Variants in TNRC6A observed in about 807,000 individuals in gnomAD.
TNRC6A encodes the protein trinucleotide repeat-containing gene 6A protein.
Under a neutral mutation model 221.2 loss-of-function variants are expected in TNRC6A, and 44 were observed. That is an observed-to-expected ratio of 0.20 (90% CI 0.16 to 0.26). The LOEUF is 0.26. Ranked by LOEUF, TNRC6A falls within the 10% of genes least tolerant of loss-of-function variation. TNRC6A has a pLI of 1.00. For synonymous variants in TNRC6A, 847 were observed against 838.5 expected (o/e 1.01, Z -0.18); for missense variants, 2,199 against 2,404.4 (o/e 0.91, Z 1.79).
At chr16:24,686,112 C>T (rs1299865772) in intron 2 of TNRC6A, among the ~76,000 whole-genome samples, 1 of 152,138 alleles carries the variant, frequency 6.6e-6, no homozygotes, top group Non-Finnish European at 1.5e-5. Context: ...CCAACCAGAA[C>T]GTGTTTATTT....
At chr16:24,806,507 G>C in intron 16 of TNRC6A, 67 bp from the exon 17 acceptor site, 1 of 1,571,024 alleles carries the variant, frequency 6.4e-7, no homozygotes, top group East Asian at 2.2e-5. Context: ...AAATGGAGAG[G>C]AATATGTAGT....
At chr16:24,716,809 A>AT (rs923118709) in intron 2 of TNRC6A, among the ~76,000 whole-genome samples, 1 of 151,770 alleles carries the variant, frequency 6.6e-6, no homozygotes, top group Non-Finnish European at 1.5e-5. Flanking sequence ...AATACCAAAA[A>AT]TTAACTGGGC....
Position 24,805,133 on chromosome 16 carries a change from T to G in TNRC6A, c.4104T>G (p.Pro1368=), listed in dbSNP as rs755910396. Reference sequence around the variant, plus strand: ...CTAATCTCCGTGCTCAAGTGCCTCCTCCATTACTCTCCCCTCAGGTAAATA... The same window carrying G: ...CTAATCTCCGTGCTCAAGTGCCTCCGCCATTACTCTCCCCTCAGGTAAATA... ...SQPNLRAQVP[P]PLLSPQVPVS... is the part of the protein sequence containing the mutation. The change falls in exon 14 of 25, where the codon CCT becomes CCG. Residue 1368 remains proline, a synonymous_variant. Coordinates refer to ENST00000395799, the MANE Select transcript of TNRC6A (RefSeq NM_014494.4). The G allele has an allele frequency of 6.2e-7, 1 of 1,614,206 alleles. No individual in the cohort carries two copies. The highest frequency in any genetic ancestry group is 8.5e-7 in the Non-Finnish European group (1 of 1,180,036).
intron 22 of TNRC6A, chr16:24,821,765 T>G: frequency 2.7e-6 from 1 of 373,280 alleles, no homozygotes; most frequent in Non-Finnish European, 4.9e-6. Context: ...GATGGTACCG[T>G]TTGAGATTAT....
intron 2 of TNRC6A, among the ~76,000 whole-genome samples, chr16:24,734,758 TATCTC>T (rs1185488901): frequency 6.6e-6 from 1 of 152,212 alleles, no homozygotes; most frequent in Non-Finnish European, 1.5e-5. Context: ...TAAAAGCAGT[TATCTC>T]AATATGTTAT....
At position 24,777,007 on chromosome 16, in the gene TNRC6A, A is replaced by G; in HGVS notation, c.238A>G (p.Ser80Gly). 6.2e-7 allele frequency: 1 copy of G among 1,614,136 alleles called. No homozygotes were observed. Among genetic ancestry groups the G allele is most frequent in the Non-Finnish European group, 8.5e-7 (1 of 1,180,040 alleles). Residue 80 changes from serine to glycine, a missense_variant, in exon 5 of 25, where the codon AGC (serine) becomes GGC (glycine). Physicochemically the swap from Ser to Gly is moderately conservative, Grantham distance 56. This residue lies in a region of TNRC6A where 1,405 missense variants were observed against 1,400.2 expected (regional missense o/e 1.00). Coordinates refer to ENST00000395799, the MANE Select transcript of TNRC6A (RefSeq NM_014494.4). ...TAATAACGGCACTTCCACAGCAACCAGCACTAATAATAATGCCAAGCGAGC... is the reference window on the plus strand; with the variant it reads ...TAATAACGGCACTTCCACAGCAACCGGCACTAATAATAATGCCAAGCGAGC... ...NSNNGTSTAT[S>G]TNNNAKRATA...
intron 2 of TNRC6A, among the ~76,000 whole-genome samples, chr16:24,696,726 C>G (rs2055868883): frequency 1.5e-4 from 1 of 6,590 alleles, no homozygotes; most frequent in African/African-American, 4.4e-3. Context: ...GAGACCCTGT[C>G]TCAAAAAAAA....
rs553434678 is a variant in TNRC6A, at chr16:24,651,337, G to A, written n.402+10328G>A. ...GCAGATCACCTGAGGTTGGGAGTTCGAGACCAGCCTGACCAACATGGAGAA... is the reference window on the plus strand; with the variant it reads ...GCAGATCACCTGAGGTTGGGAGTTCAAGACCAGCCTGACCAACATGGAGAA... On this transcript the variant is annotated intron_variant and non_coding_transcript_variant, in intron 2 of 2. Transcript: ENST00000566108. 2.2e-4 allele frequency among the ~76,000 whole-genome samples: 34 copies of A among 151,820 alleles called. No homozygotes were observed. The East Asian group carries it at 5.0e-3, about 23-fold the overall frequency.
At chr16:24,812,596 T>C (rs2058569307) in intron 18 of TNRC6A, among the ~76,000 whole-genome samples, 1 of 152,158 alleles carries the variant, frequency 6.6e-6, no homozygotes. Context: ...AGATACACCC[T>C]TCTGTTACAG....
intron 2 of TNRC6A, among the ~76,000 whole-genome samples, chr16:24,676,873 C>T (rs1038847086): frequency 6.6e-6 from 1 of 152,130 alleles, no homozygotes; most frequent in African/African-American, 2.4e-5. Context: ...TTTATTTTTG[C>T]TTGTTCCTTT....
chr16:24,628,349 G>A (rs377160603), intron 1 of TNRC6A, among the ~76,000 whole-genome samples: 1 of 152,066 alleles, frequency 6.6e-6, no homozygotes, highest in Admixed American at 6.5e-5. Context: ...GAACCTAGGA[G>A]GCGGAGGTTG....
rs758363621 is a variant in TNRC6A, at chr16:24,804,815, A to G, written c.3948A>G (p.Ala1316=). 8 of 1,612,296 alleles carry G rather than the reference A, an allele frequency of 5.0e-6. No individual in the cohort carries two copies. Among genetic ancestry groups the G allele is most frequent in the Middle Eastern group, 1.6e-4 (1 of 6,076 alleles). The change falls in exon 13 of 25, where the codon GCA becomes GCG. Residue 1316 remains alanine, a synonymous_variant. Transcript: ENST00000395799. ...ALPNQALGSI[A]GLGMQNLNSV... ...CTAACCAGGCCCTTGGCTCCATAGCAGGGCTGGGTATGCAAAACTTGAATT... is the reference window on the plus strand; with the variant it reads ...CTAACCAGGCCCTTGGCTCCATAGCGGGGCTGGGTATGCAAAACTTGAATT...
Position 24,758,321 on chromosome 16 carries a change from T to G in TNRC6A, c.142-18T>G. The G allele has an allele frequency of 6.2e-7, 1 of 1,603,464 alleles. No individual in the cohort carries two copies. The highest frequency in any genetic ancestry group is 1.1e-5 in the South Asian group (1 of 90,784). On this transcript the variant is annotated intron_variant, in intron 3 of 24. Transcript: ENST00000395799. ...TTTCATATTTACATTGTTTTTTGTT[T>G]GTTTGTTTTTATTTTAGGCCACTGA...
chr16:24,776,497 A>G (rs1275258775), intron 4 of TNRC6A: 1 of 985,380 alleles, frequency 1.0e-6, no homozygotes, highest in Non-Finnish European at 1.2e-6. Context: ...GATGAAAAAT[A>G]GAGACCAAAC....
chr16:24,804,418 G>GTTAC (rs1174251798), intron 12 of TNRC6A, 99 bp downstream of exon 12: 1 of 1,371,446 alleles, frequency 7.3e-7, no homozygotes, highest in East Asian at 2.6e-5. Context: ...AATATAAAGT[G>GTTAC]TTACAATCCA....
chr16:24,778,795 A>G (rs1405348465), intron 5 of TNRC6A, among the ~76,000 whole-genome samples: 1 of 152,174 alleles, frequency 6.6e-6, no homozygotes, highest in African/African-American at 2.4e-5. Context: ...TCTAATGCCA[A>G]GTAGTAGGCA....
At position 24,789,784 on chromosome 16, in the gene TNRC6A, AAGGGCCTGT is replaced by A; in HGVS notation, c.1147_1155del (p.Pro383_Gly385del). The A allele has an allele frequency of 6.2e-7, 1 of 1,614,164 alleles. No homozygotes were observed. The highest frequency in any genetic ancestry group is 8.5e-7 in the Non-Finnish European group (1 of 1,180,006). On this transcript the variant is annotated inframe_deletion, in exon 6 of 25. Coordinates refer to ENST00000395799, the MANE Select transcript of TNRC6A (RefSeq NM_014494.4). Reference sequence around the variant, plus strand: ...TTAGAGAACAATGGACTTGCCCTAAAAGGGCCTGTAGGGAGTGGTAGTTCTGGCATTAAT... The same window carrying A: ...TTAGAGAACAATGGACTTGCCCTAAAAGGGAGTGGTAGTTCTGGCATTAAT...
At chr16:24,699,976 A>G (rs2055937889) in intron 2 of TNRC6A, among the ~76,000 whole-genome samples, 1 of 152,120 alleles carries the variant, frequency 6.6e-6, no homozygotes, top group African/African-American at 2.4e-5. Context: ...CTCTGATGCC[A>G]AAGGCTATGT....
At chr16:24,698,751 G>A (rs967778970) in intron 2 of TNRC6A, among the ~76,000 whole-genome samples, 2 of 151,964 alleles carry the variant, frequency 1.3e-5, no homozygotes, top group African/African-American at 2.4e-5. Context: ...TTGCTCTGTC[G>A]CCAGGCTGGA....
Sources: allele counts gnomAD v4.1 joint callset (sites outside exome capture counted in the v4.1 genomes callset), GRCh38; gene constraint gnomAD v4.1.1; regional missense constraint gnomAD v4.1.1; transcripts MANE v1.5; gene names NCBI Gene and HGNC (gene_info 2026-07-23, HGNC 2026-07-21).